CBLN2: variants seen among roughly 807,000 people sequenced by gnomAD.
CBLN2 encodes cerebellin-2.
CBLN2 carries 7 observed loss-of-function variants against 15.0 expected under a neutral mutation model. The observed-to-expected ratio is 0.47, with a 90% CI of 0.27 to 0.88. The LOEUF (loss-of-function observed/expected upper bound fraction) is 0.88, where lower values mean the gene tolerates loss of function less well. Among genes scored for constraint, CBLN2 ranks in the 40% least tolerant of loss-of-function variants. CBLN2 has a pLI of 0.14. For synonymous variants in CBLN2, 149 were observed against 135.2 expected (o/e 1.10, Z -0.71); for missense variants, 242 against 304.5 (o/e 0.79, Z 1.53).
intron 1 of CBLN2, among the ~76,000 whole-genome samples, chr18:72,589,040 G>C (rs1294584683): frequency 6.6e-6 from 1 of 152,180 alleles, no homozygotes; most frequent in East Asian, 1.9e-4. Flanking sequence ...GCTCTGGTCA[G>C]ATGTTGATTT....
At chr18:72,620,584 G>C (rs559289073) in intron 1 of CBLN2, 1 of 152,362 alleles carries the variant, frequency 6.6e-6, no homozygotes, top group Admixed American at 6.5e-5. Flanking sequence ...ATGAGGGGCA[G>C]AGTGGGCTGT....
Position 72,541,109 on chromosome 18 carries a change from T to C in CBLN2, c.357+695A>G, listed in dbSNP as rs555721058. On this transcript the variant is annotated intron_variant, in intron 3 of 4. Coordinates refer to ENST00000269503, the MANE Select transcript of CBLN2 (RefSeq NM_182511.4). ...ATTGAACCAAATGGCATAAGTTAAG[T>C]GGCTTAAGGTGACGTAAGTCACTGC... is the stretch of plus-strand genomic sequence containing the variant. 5.3e-5 allele frequency among the ~76,000 whole-genome samples: 8 copies of C among 152,358 alleles called. No individual in the cohort carries two copies. In the East Asian group the frequency reaches 1.2e-3, roughly 22 times the overall value.
At chr18:72,626,106 C>A (rs1407509050) in intron 1 of CBLN2, among the ~76,000 whole-genome samples, 1 of 151,892 alleles carries the variant, frequency 6.6e-6, no homozygotes, top group Non-Finnish European at 1.5e-5. Flanking sequence ...TCATTCATGG[C>A]AGCATGAAAT....
upstream of CBLN2, among the ~76,000 whole-genome samples, chr18:72,548,445 T>C (rs984159775): frequency 2.6e-5 from 4 of 152,224 alleles, no homozygotes; most frequent in African/African-American, 9.6e-5. Flanking sequence ...AAGGAAAGAT[T>C]CATAGGACTA....
intron 1 of CBLN2, among the ~76,000 whole-genome samples, chr18:72,590,138 A>G (rs1321744257): frequency 6.6e-6 from 1 of 152,140 alleles, no homozygotes; most frequent in African/African-American, 2.4e-5. Context: ...GGTGGCGGGC[A>G]CCTGTAGTCC....
Position 72,543,505 on chromosome 18 carries a change from C to T in CBLN2, c.-186G>A. 2.5e-6 allele frequency: 1 copy of T among 398,516 alleles called. No individual in the cohort carries two copies. Among genetic ancestry groups the T allele is most frequent in the Non-Finnish European group, 4.4e-6 (1 of 226,116 alleles). 24.7% of individuals were successfully genotyped at this position (398,516 alleles called of 1,614,324 possible). On this transcript the variant is annotated 5_prime_UTR_variant, in exon 2 of 5. Transcript: ENST00000269503. The surrounding 1 kb of genome is among the most constrained non-coding windows in gnomAD (Gnocchi z 6.8). Reference sequence around the variant, plus strand: ...GGTTACCTGGAACATCCATGCTGGGCGAGCTCCGCTGTCCGCGAAGTTGCT... The same window carrying T: ...GGTTACCTGGAACATCCATGCTGGGTGAGCTCCGCTGTCCGCGAAGTTGCT...
chr18:72,541,733 C>T (rs976776595), intron 3 of CBLN2, 71 bp downstream of exon 3: 17 of 1,316,722 alleles, frequency 1.3e-5, no homozygotes, highest in Non-Finnish European at 1.4e-5. Context: ...AAGCCTGAAC[C>T]CCAGCCCGCG....
intron 1 of CBLN2, among the ~76,000 whole-genome samples, chr18:72,630,474 A>G (rs1187172782): frequency 6.7e-6 from 1 of 149,196 alleles, no homozygotes; most frequent in Admixed American, 6.8e-5. Context: ...AGATGATTAC[A>G]TTGGTGATAT....
At chr18:72,568,842 T>C (rs1418061077) in intron 1 of CBLN2, among the ~76,000 whole-genome samples, 1 of 152,182 alleles carries the variant, frequency 6.6e-6, no homozygotes, top group Non-Finnish European at 1.5e-5. Context: ...TTTTGTCGAT[T>C]TAAGAAAATG....
chr18:72,587,544 C>A (rs1249219532), intron 1 of CBLN2, among the ~76,000 whole-genome samples: 1 of 152,068 alleles, frequency 6.6e-6, no homozygotes. Context: ...AAAGATTTTT[C>A]TCTCTCCTTT....
rs373648257 is a variant in CBLN2, at chr18:72,541,946, G to T, written c.215C>A (p.Pro72Gln). 5.0e-6 allele frequency: 8 copies of T among 1,607,596 alleles called. No homozygotes were observed. Among genetic ancestry groups the T allele is most frequent in the Non-Finnish European group, 5.9e-6 (7 of 1,179,506 alleles). ...GKCLVVCDSS[P>Q]SADGAVTSSL... Reference sequence around the variant, plus strand: ...GGAGGTGACGGCGCCGTCCGCCGACGGGCTGGAGTCGCACACCACCAGGCA... The same window carrying T: ...GGAGGTGACGGCGCCGTCCGCCGACTGGCTGGAGTCGCACACCACCAGGCA... The change falls in exon 3 of 5, where the codon CCG becomes CAG. Residue 72 changes from proline (P) to glutamine (Q), a missense_variant. Pro to Gln is a moderately conservative substitution (Grantham distance 76, BLOSUM62 -1). Around this residue, in one of 4 missense-constraint regions of CBLN2, gnomAD observed 89 missense variants for 114.2 expected, o/e 0.78. Coordinates refer to ENST00000269503, the MANE Select transcript of CBLN2 (RefSeq NM_182511.4).
At chr18:72,608,384 A>C (rs2069598751) in intron 1 of CBLN2, among the ~76,000 whole-genome samples, 1 of 152,114 alleles carries the variant, frequency 6.6e-6, no homozygotes, top group South Asian at 2.1e-4. Flanking sequence ...ACAGTGTCTC[A>C]CATCGTTGGC....
chr18:72,611,976 GC>G (rs2069625594), intron 1 of CBLN2, among the ~76,000 whole-genome samples: 1 of 152,118 alleles, frequency 6.6e-6, no homozygotes, highest in South Asian at 2.1e-4. Context: ...AGTTATTCCT[GC>G]ACTATTTATT....
At chr18:72,618,327 T>C (rs989902805) in intron 1 of CBLN2, 2 of 456,782 alleles carry the variant, frequency 4.4e-6, no homozygotes, top group East Asian at 4.4e-5. Context: ...CATTGGAGGG[T>C]TGAGCTCTGA....
chr18:72,621,689 C>A (rs1051770524), intron 1 of CBLN2, among the ~76,000 whole-genome samples: 1 of 152,138 alleles, frequency 6.6e-6, no homozygotes, highest in African/African-American at 2.4e-5. Context: ...TACCCTGAAG[C>A]TTTCGTGAAA....
chr18:72,636,885 CA>C (rs1344227249), intron 1 of CBLN2, among the ~76,000 whole-genome samples: 2 of 151,810 alleles, frequency 1.3e-5, no homozygotes, highest in African/African-American at 4.8e-5. Flanking sequence ...TTACTATTGA[CA>C]ACAAAATTGG....
chr18:72,598,561 G>A (rs1341085037), intron 1 of CBLN2, among the ~76,000 whole-genome samples: 1 of 152,202 alleles, frequency 6.6e-6, no homozygotes, highest in Non-Finnish European at 1.5e-5. Context: ...ACACTGGCTG[G>A]TGTCTCAGTA....
chr18:72,619,146 T>G, intron 1 of CBLN2: 2 of 744,392 alleles, frequency 2.7e-6, no homozygotes, highest in Non-Finnish European at 4.8e-6. Context: ...AAGCCAGTAC[T>G]TTGCCAAACC....
At chr18:72,585,733 G>T (rs1462195706) in intron 1 of CBLN2, among the ~76,000 whole-genome samples, 1 of 152,092 alleles carries the variant, frequency 6.6e-6, no homozygotes, top group East Asian at 1.9e-4. Context: ...CAACCTCCAG[G>T]GTGCCCAGGC....
Sources: allele counts gnomAD v4.1 joint callset (sites outside exome capture counted in the v4.1 genomes callset), GRCh38; gene constraint gnomAD v4.1.1; regional missense constraint gnomAD v4.1.1; non-coding constraint Gnocchi (gnomAD v3.1); transcripts MANE v1.5; gene names NCBI Gene and HGNC (gene_info 2026-07-23, HGNC 2026-07-21).